The following ALG14 variants were observed in gnomAD, a reference collection of about 807,000 sequenced individuals.
The protein encoded by ALG14 is UDP-N-acetylglucosamine transferase subunit ALG14.
A neutral mutation model predicts 22.8 loss-of-function variants in ALG14; 17 were observed. The ratio of observed to expected loss-of-function variants is 0.75; its 90% confidence interval spans 0.51 to 1.12. The LOEUF is 1.12. Ranked by LOEUF, ALG14 falls within the 50% of genes most tolerant of loss-of-function variation. The probability of loss-of-function intolerance (pLI) is 0.00; values close to 1 mark genes in which losing one functional copy is unlikely to be tolerated. For synonymous variants in ALG14, 89 were observed against 103.7 expected, an observed-to-expected ratio of 0.86 and a Z score of 0.86; for missense variants, 288 against 271.8, an observed-to-expected ratio of 1.06 and a Z score of -0.42.
chr1:95,030,452 C>T (rs1467091833), intron 2 of ALG14, among the ~76,000 whole-genome samples: 2 of 152,098 alleles, frequency 1.3e-5, no homozygotes, highest in African/African-American at 2.4e-5. Flanking sequence ...AGAATTCCAT[C>T]ATAGAAGTTT....
At chr1:95,055,809 G>A (rs567654562) in intron 2 of ALG14, among the ~76,000 whole-genome samples, 2 of 118,224 alleles carry the variant, frequency 1.7e-5, no homozygotes, top group East Asian at 2.7e-4. Flanking sequence ...TGGTTAACAT[G>A]GTGAAATCCC....
intron 1 of ALG14, among the ~76,000 whole-genome samples, chr1:95,070,983 C>T (rs778482245): frequency 2.0e-5 from 3 of 152,152 alleles, no homozygotes; most frequent in Non-Finnish European, 2.9e-5. Context: ...TCAAGCAATC[C>T]GCCTGTATCG....
intron 3 of ALG14, among the ~76,000 whole-genome samples, chr1:94,997,197 C>G (rs889457284): frequency 6.6e-6 from 1 of 152,156 alleles, no homozygotes; most frequent in Non-Finnish European, 1.5e-5. Context: ...GCTGCAGGTG[C>G]TTCACATTAC....
At chr1:95,034,209 C>A (rs1436814278) in intron 2 of ALG14, among the ~76,000 whole-genome samples, 5 of 152,200 alleles carry the variant, frequency 3.3e-5, no homozygotes, top group Admixed American at 3.3e-4. Flanking sequence ...GGAGACAGTT[C>A]TTCTCCAAAT....
intron 3 of ALG14, among the ~76,000 whole-genome samples, chr1:94,993,675 C>T (rs901124980): frequency 6.6e-6 from 1 of 152,102 alleles, no homozygotes; most frequent in African/African-American, 2.4e-5. Context: ...TCTGATGACA[C>T]GATGAATAAG....
chr1:95,058,298 A>G (rs1159700706), intron 2 of ALG14, among the ~76,000 whole-genome samples: 1 of 149,064 alleles, frequency 6.7e-6, no homozygotes, highest in East Asian at 2.1e-4. Context: ...AAAAAAAAAA[A>G]AAAAAAAAAA....
In ALG14 at chr1:94,975,596, T is replaced by C. The variant is rs144638547; in HGVS notation, c.*7480A>G. ...TCCACAGCTGCTGCACCATTCTACATTCCTACCAGCAATGTAGGAGGGCTC... is the reference window on the plus strand; with the variant it reads ...TCCACAGCTGCTGCACCATTCTACACTCCTACCAGCAATGTAGGAGGGCTC... On this transcript the variant is annotated 3_prime_UTR_variant, in exon 4 of 4. Coordinates refer to ENST00000370205, the MANE Select transcript of ALG14 (RefSeq NM_144988.4). 1.3e-5 allele frequency: 2 copies of C among 152,188 alleles called. No homozygotes were observed. Among genetic ancestry groups the C allele is most frequent in the Non-Finnish European group, 2.9e-5 (2 of 68,020 alleles). The allele number at this position is 152,188 out of a possible 1,614,324, so 9.4% of individuals were successfully genotyped here.
At chr1:95,010,162 C>T (rs903537951) in intron 3 of ALG14, among the ~76,000 whole-genome samples, 1 of 152,148 alleles carries the variant, frequency 6.6e-6, no homozygotes, top group Non-Finnish European at 1.5e-5. Context: ...CATACTGGTC[C>T]TGTGTTTCTT....
Position 94,979,108 on chromosome 1 carries a change from AC to A in ALG14, c.*3967del, listed in dbSNP as rs1672449232. On this transcript the variant is annotated 3_prime_UTR_variant, in exon 4 of 4. Transcript: ENST00000370205. ...AGATCAGCCTGGCCAACATGGTAAA[AC>A]CCTGTCTCTACTAAAAATACAAAAA... 1 of 151,832 alleles carries A rather than the reference AC, an allele frequency of 6.6e-6. No homozygotes were observed. Among genetic ancestry groups the A allele is most frequent in the Non-Finnish European group, 1.5e-5 (1 of 67,980 alleles). The allele number at this position is 151,832 out of a possible 1,614,324, so 9.4% of individuals were successfully genotyped here. A position where few individuals can be genotyped will look rare whatever the true frequency, so the allele number is the denominator to read the frequency against.
intron 2 of ALG14, among the ~76,000 whole-genome samples, chr1:95,047,797 T>C (rs1210945829): frequency 6.6e-6 from 1 of 151,926 alleles, no homozygotes. Flanking sequence ...CTGGGCAACA[T>C]AGCAAGACCC....
chr1:94,987,348 C>T (rs1304534474), intron 3 of ALG14, among the ~76,000 whole-genome samples: 1 of 152,166 alleles, frequency 6.6e-6, no homozygotes, highest in African/African-American at 2.4e-5. Context: ...TGTTCAACTC[C>T]CTGACTAGCC....
At chr1:94,995,305 T>G (rs1672881127) in intron 3 of ALG14, among the ~76,000 whole-genome samples, 1 of 152,112 alleles carries the variant, frequency 6.6e-6, no homozygotes, top group Admixed American at 6.5e-5. Context: ...GATACAGATA[T>G]ACAGAAAGAG....
At chr1:95,003,374 TA>T (rs1356747376) in intron 3 of ALG14, among the ~76,000 whole-genome samples, 11 of 151,802 alleles carry the variant, frequency 7.2e-5, no homozygotes, top group African/African-American at 2.7e-4. Context: ...TGCAGGCACA[TA>T]ATATTCCACA....
chr1:95,020,221 A>G (rs951132675), intron 3 of ALG14, among the ~76,000 whole-genome samples: 6 of 151,942 alleles, frequency 3.9e-5, no homozygotes, highest in Admixed American at 2.6e-4. Flanking sequence ...AGTCTCAAAA[A>G]AAAAAGATAA....
chr1:95,003,179 T>C (rs1673113225), intron 3 of ALG14, among the ~76,000 whole-genome samples: 1 of 152,228 alleles, frequency 6.6e-6, no homozygotes, highest in East Asian at 1.9e-4. Context: ...AAGTGGTCCA[T>C]AGGCTGAATA....
intron 3 of ALG14, among the ~76,000 whole-genome samples, chr1:95,009,803 T>C (rs772499712): frequency 7.2e-5 from 11 of 152,166 alleles, no homozygotes; most frequent in Non-Finnish European, 1.3e-4. Flanking sequence ...ATTTAGTTAA[T>C]AGTATTATAC....
At chr1:95,046,258 T>C (rs1674551675) in intron 2 of ALG14, among the ~76,000 whole-genome samples, 1 of 152,140 alleles carries the variant, frequency 6.6e-6, no homozygotes, top group African/African-American at 2.4e-5. Context: ...TCAGTAGCAG[T>C]CTGTGGCCTG....
chr1:95,069,683 T>C (rs1048243426), intron 1 of ALG14, among the ~76,000 whole-genome samples: 3 of 152,084 alleles, frequency 2.0e-5, no homozygotes, highest in Admixed American at 2.0e-4. Context: ...GAAAATAATA[T>C]CCCAAAATGA....
chr1:95,022,451 A>T, intron 3 of ALG14: 1 of 785,210 alleles, frequency 1.3e-6, no homozygotes, highest in South Asian at 5.8e-5. Flanking sequence ...GTGGACTCTG[A>T]CCATCATCAG....
Sources: gnomAD v4.1 joint callset for allele counts (sites outside exome capture counted in the v4.1 genomes callset) on GRCh38, gnomAD v4.1.1 for gene constraint, MANE v1.5 for transcripts, NCBI Gene and HGNC (gene_info 2026-07-23, HGNC 2026-07-21) for gene names.